The following OSTN variants were observed in gnomAD, a reference collection of about 807,000 sequenced individuals.
OSTN encodes the protein osteocrin.
A neutral mutation model predicts 12.0 loss-of-function variants in OSTN; 9 were observed. That is an observed-to-expected ratio of 0.75 (90% CI 0.45 to 1.30). OSTN has a LOEUF of 1.30. Ranked by LOEUF, OSTN falls within the 50% of genes most tolerant of loss-of-function variation. OSTN has a pLI of 0.00. For synonymous variants in OSTN, 59 were observed against 56.9 expected (o/e 1.04, Z -0.16); for missense variants, 148 against 152.3 (o/e 0.97, Z 0.15).
In OSTN at chr3:191,242,823, A is replaced by G. The variant is rs555124247; in HGVS notation, c.318-7214A>G. On this transcript the variant is annotated intron_variant, in intron 3 of 4. Coordinates refer to ENST00000682035, the MANE Select transcript of OSTN (RefSeq NM_198184.2). ...TATTACATGAGATGCAAAAATATTGATGTTTTAAAACCACATCAAAGATTT... is the reference window on the plus strand; with the variant it reads ...TATTACATGAGATGCAAAAATATTGGTGTTTTAAAACCACATCAAAGATTT... Among the ~76,000 whole-genome samples the G allele has an allele frequency of 1.1e-4, 17 of 152,344 alleles. No individual in the cohort carries two copies. In the South Asian group the frequency reaches 2.7e-3, roughly 24 times the overall value.
intron 3 of OSTN, among the ~76,000 whole-genome samples, chr3:191,241,308 G>C (rs540535429): frequency 2.0e-5 from 3 of 149,812 alleles, no homozygotes; most frequent in Non-Finnish European, 3.0e-5. Context: ...CCTACCTACC[G>C]AGTAGATGGG....
At chr3:191,215,943 G>A (rs987818748) in intron 2 of OSTN, among the ~76,000 whole-genome samples, 1 of 152,124 alleles carries the variant, frequency 6.6e-6, no homozygotes, top group African/African-American at 2.4e-5. Context: ...ACCACAGTGG[G>A]GATTCTGTGT....
chr3:191,237,857 C>T (rs890153264), intron 3 of OSTN, among the ~76,000 whole-genome samples: 3 of 152,170 alleles, frequency 2.0e-5, no homozygotes, highest in Admixed American at 6.5e-5. Flanking sequence ...TGTGGGGGCC[C>T]TCTTCTGCCC....
At chr3:191,217,618 G>A (rs925359545) in intron 2 of OSTN, among the ~76,000 whole-genome samples, 1 of 152,214 alleles carries the variant, frequency 6.6e-6, no homozygotes, top group Non-Finnish European at 1.5e-5. Flanking sequence ...GAGAGGAAAA[G>A]ACAGACTTCA....
In OSTN at chr3:191,218,779, A is replaced by T. The variant is rs768717375; in HGVS notation, c.135A>T (p.Ser45=). The change falls in exon 3 of 5, where the codon TCA becomes TCT. Residue 45 remains serine, a synonymous_variant. Transcript: ENST00000682035. ...AFDSGVIDVQ[S]TPTVREEKSA... is the part of the protein sequence containing the mutation. Reference sequence around the variant, plus strand: ...ATTCTGGAGTCATAGATGTGCAGTCAACACCCACAGTCAGGGAAGAGAAAT... The same window carrying T: ...ATTCTGGAGTCATAGATGTGCAGTCTACACCCACAGTCAGGGAAGAGAAAT... The T allele has an allele frequency of 3.2e-5, 51 of 1,613,964 alleles. No homozygotes were observed. The highest frequency in any genetic ancestry group is 4.0e-5 in the Non-Finnish European group (47 of 1,179,980).
At chr3:191,255,125 T>C (rs182274989) in intron 4 of OSTN, among the ~76,000 whole-genome samples, 1 of 152,266 alleles carries the variant, frequency 6.6e-6, no homozygotes, top group Admixed American at 6.5e-5. Flanking sequence ...CATCAAGCAT[T>C]AGTTAGACTC....
chr3:191,230,408 C>CA (rs11382846), intron 3 of OSTN, among the ~76,000 whole-genome samples: 59,720 of 150,652 alleles, frequency 0.4, 13,753 homozygotes, highest in African/African-American at 0.63. Context: ...TACTAAAATA[C>CA]AAAAAATTAG....
intron 1 of OSTN, among the ~76,000 whole-genome samples, chr3:191,199,637 A>C (rs1714109238): frequency 6.6e-6 from 1 of 152,086 alleles, no homozygotes; most frequent in African/African-American, 2.4e-5. Context: ...GTAATATTAG[A>C]AAAATGTTTA....
At position 191,250,272 on chromosome 3, in the gene OSTN, A is replaced by G. The variant is rs149074816; in HGVS notation, c.*12+139A>G. 644 of 654,354 alleles carry G rather than the reference A, an allele frequency of 9.8e-4. 4 individuals are homozygous for G. The African/African-American group carries it at 0.011, about 11-fold the overall frequency. 40.5% of individuals were successfully genotyped at this position (654,354 alleles called of 1,614,324 possible). A position where few individuals can be genotyped will look rare whatever the true frequency, so the allele number is the denominator to read the frequency against. On this transcript the variant is annotated intron_variant, in intron 4 of 4. Transcript: ENST00000682035. Reference sequence around the variant, plus strand: ...AGTTCACTTTTTCAATCATTTATGTATGCAATGAGTATAGTATATTAATGT... The same window carrying G: ...AGTTCACTTTTTCAATCATTTATGTGTGCAATGAGTATAGTATATTAATGT...
chr3:191,207,486 T>C (rs1714308298), intron 1 of OSTN, among the ~76,000 whole-genome samples: 1 of 152,190 alleles, frequency 6.6e-6, no homozygotes, highest in African/African-American at 2.4e-5. Context: ...TTACATTGCT[T>C]CTCTTTTTCA....
chr3:191,251,588 A>G (rs1715562058), intron 4 of OSTN, among the ~76,000 whole-genome samples: 1 of 152,104 alleles, frequency 6.6e-6, no homozygotes, highest in Non-Finnish European at 1.5e-5. Flanking sequence ...AATAGTCAGT[A>G]TTTTTTCTCA....
At chr3:191,241,167 C>CT (rs575332839) in intron 3 of OSTN, among the ~76,000 whole-genome samples, 5,333 of 46,244 alleles carry the variant, frequency 0.12, 2,356 homozygotes, top group Non-Finnish European at 0.22. Flanking sequence ...TGTGCCTTGA[C>CT]TTTTTTTTTT....
chr3:191,237,792 G>C (rs1715230026), intron 3 of OSTN, among the ~76,000 whole-genome samples: 2 of 152,136 alleles, frequency 1.3e-5, no homozygotes, highest in Admixed American at 6.6e-5. Flanking sequence ...TTTTAGAGAG[G>C]CAGTGTGACA....
chr3:191,262,117 C>G (rs531595090), intron 4 of OSTN, among the ~76,000 whole-genome samples: 1 of 152,290 alleles, frequency 6.6e-6, no homozygotes, highest in African/African-American at 2.4e-5. Context: ...ACTCGGGAGA[C>G]TGAGACAGGA....
At chr3:191,203,534 A>G (rs1311444464) in intron 1 of OSTN, among the ~76,000 whole-genome samples, 2 of 152,374 alleles carry the variant, frequency 1.3e-5, no homozygotes, top group African/African-American at 4.8e-5. Flanking sequence ...TATCTAAAAA[A>G]GAGTGAAAAT....
At position 191,218,797 on chromosome 3, in the gene OSTN, A is replaced by G; in HGVS notation, c.153A>G (p.Glu51=). 3 of 1,613,684 alleles carry G rather than the reference A, an allele frequency of 1.9e-6. No individual in the cohort carries two copies. Among genetic ancestry groups the G allele is most frequent in the Non-Finnish European group, 2.5e-6 (3 of 1,179,624 alleles). Residue 51 remains glutamate (E), a synonymous_variant, in exon 3 of 5, where the codon GAA becomes GAG. Transcript: ENST00000682035. ...IDVQSTPTVR[E]EKSATDLTAK... ...TGCAGTCAACACCCACAGTCAGGGA[A>G]GAGAAATCAGCCACTGACCTGACAG...
At chr3:191,234,133 G>T (rs1279079249) in intron 3 of OSTN, among the ~76,000 whole-genome samples, 1 of 152,046 alleles carries the variant, frequency 6.6e-6, no homozygotes, top group Non-Finnish European at 1.5e-5. Context: ...TTAAATATTT[G>T]TACAACTCTT....
intron 4 of OSTN, among the ~76,000 whole-genome samples, chr3:191,262,019 C>G (rs894488488): frequency 6.6e-6 from 1 of 152,130 alleles, no homozygotes; most frequent in Non-Finnish European, 1.5e-5. Context: ...GAGTTTGAGA[C>G]CCGCCCGGCG....
chr3:191,265,196 C>T lies in OSTN; in HGVS notation c.*2343C>T, dbSNP rs1715895686. On this transcript the variant is annotated 3_prime_UTR_variant, in exon 5 of 5. Coordinates refer to ENST00000682035, the MANE Select transcript of OSTN (RefSeq NM_198184.2). The stretch of plus-strand genomic sequence containing the variant: ...TATTTATCCAATGCATTAGGTATTA[C>T]TAATCCAACTATATTTCAACTTGAA... 6.6e-6 allele frequency: 1 copy of T among 152,142 alleles called. No individual in the cohort carries two copies. Among genetic ancestry groups the T allele is most frequent in the African/African-American group, 2.4e-5 (1 of 41,430 alleles). 9.4% of individuals were successfully genotyped at this position (152,142 alleles called of 1,614,324 possible).
Sources: allele counts gnomAD v4.1 joint callset (sites outside exome capture counted in the v4.1 genomes callset), GRCh38; gene constraint gnomAD v4.1.1; transcripts MANE v1.5; gene names NCBI Gene and HGNC (gene_info 2026-07-23, HGNC 2026-07-21).